Variants in TRPM3 observed in about 807,000 individuals in gnomAD.
TRPM3 encodes long transient receptor potential channel 3.
TRPM3 carries 77 observed loss-of-function variants against 181.2 expected under a neutral mutation model. The observed-to-expected ratio is 0.42, with a 90% CI of 0.35 to 0.51. The LOEUF is 0.51. Ranked by LOEUF, TRPM3 falls within the 20% of genes least tolerant of loss-of-function variation. The pLI, the probability that TRPM3 is intolerant of heterozygous loss-of-function variation, is 0.01. For missense variants in TRPM3, 1,759 were observed against 2,196.7 expected, an observed-to-expected ratio of 0.80 and a Z score of 3.98; for synonymous variants, 745 against 796.4, an observed-to-expected ratio of 0.94 and a Z score of 1.09.
At chr9:71,343,014 AT>A (rs1413846855) in intron 1 of TRPM3, among the ~76,000 whole-genome samples, 19 of 152,260 alleles carry the variant, frequency 1.2e-4, no homozygotes, top group African/African-American at 4.1e-4. Context: ...AAATAAAAAA[AT>A]AAATATGCTT....
At chr9:70,881,944 G>C (rs2096001801) in intron 1 of TRPM3, among the ~76,000 whole-genome samples, 1 of 152,140 alleles carries the variant, frequency 6.6e-6, no homozygotes, top group South Asian at 2.1e-4. Context: ...CTCAGTATGT[G>C]TGTTTAAGAG....
At chr9:70,772,146 G>A (rs2080405099) in intron 7 of TRPM3, among the ~76,000 whole-genome samples, 1 of 152,208 alleles carries the variant, frequency 6.6e-6, no homozygotes, top group Admixed American at 6.5e-5. Context: ...CTGCAGAAAT[G>A]CTAGAGCTCT....
intron 1 of TRPM3, among the ~76,000 whole-genome samples, chr9:71,057,603 C>G (rs903378340): frequency 1.3e-5 from 2 of 151,988 alleles, no homozygotes; most frequent in East Asian, 3.9e-4. Flanking sequence ...AGCTCTAATC[C>G]TCAGACCTAT....
intron 5 of TRPM3, among the ~76,000 whole-genome samples, chr9:70,829,224 G>A (rs34728483): frequency 0.078 from 11,855 of 152,200 alleles, 729 homozygotes; most frequent in East Asian, 0.27. Context: ...ATATAAAGCT[G>A]TAGTAAGATT....
chr9:70,829,838 T>C (rs2093782199), intron 5 of TRPM3, among the ~76,000 whole-genome samples: 2 of 152,040 alleles, frequency 1.3e-5, no homozygotes, highest in Admixed American at 1.3e-4. Context: ...ACTGGAAGAG[T>C]AGGTTGCTTG....
At chr9:71,198,550 A>G (rs1049991325) in intron 1 of TRPM3, among the ~76,000 whole-genome samples, 1 of 151,982 alleles carries the variant, frequency 6.6e-6, no homozygotes, top group African/African-American at 2.4e-5. Flanking sequence ...TATTTCATTG[A>G]GCAGTAGTTT....
intron 1 of TRPM3, among the ~76,000 whole-genome samples, chr9:70,933,226 G>A (rs1475422432): frequency 2.0e-5 from 3 of 152,068 alleles, no homozygotes; most frequent in Non-Finnish European, 4.4e-5. Flanking sequence ...TGTGTGATAC[G>A]GACCTAGAAA....
At chr9:70,951,130 A>G (rs1273520490) in intron 1 of TRPM3, among the ~76,000 whole-genome samples, 1 of 152,162 alleles carries the variant, frequency 6.6e-6, no homozygotes, top group African/African-American at 2.4e-5. Context: ...ATGCTTTAGA[A>G]GAGTTTGATA....
chr9:70,911,311 G>A (rs1390229039), intron 1 of TRPM3, among the ~76,000 whole-genome samples: 1 of 152,030 alleles, frequency 6.6e-6, no homozygotes, highest in Non-Finnish European at 1.5e-5. Flanking sequence ...CATTACAAAA[G>A]GCCTGTTTTT....
chr9:70,739,361 G>T (rs778875712), intron 8 of TRPM3, among the ~76,000 whole-genome samples: 27 of 152,250 alleles, frequency 1.8e-4, no homozygotes, highest in South Asian at 1.0e-3. Context: ...CACATCAACA[G>T]AATTAAAAAC....
At chr9:71,441,404 G>T (rs145049943) in intron 1 of TRPM3, among the ~76,000 whole-genome samples, 1 of 152,174 alleles carries the variant, frequency 6.6e-6, no homozygotes, top group African/African-American at 2.4e-5. Flanking sequence ...CAGGAGATTC[G>T]CTCTGCTTTC....
chr9:70,910,666 A>G (rs369262340), intron 1 of TRPM3, among the ~76,000 whole-genome samples: 2 of 152,204 alleles, frequency 1.3e-5, no homozygotes, highest in Non-Finnish European at 2.9e-5. Context: ...AATCAAGATT[A>G]TGCTATAACA....
intron 1 of TRPM3, among the ~76,000 whole-genome samples, chr9:71,196,935 T>C (rs1330392881): frequency 2.1e-5 from 3 of 144,724 alleles, no homozygotes; most frequent in Admixed American, 7.1e-5. Context: ...TAGTTACATA[T>C]GTATACATGT....
intron 1 of TRPM3, among the ~76,000 whole-genome samples, chr9:70,904,249 C>T (rs180689680): frequency 6.6e-6 from 1 of 152,076 alleles, no homozygotes; most frequent in Admixed American, 6.6e-5. Context: ...TACAAAAACA[C>T]CTCACTCTTT....
intron 8 of TRPM3, among the ~76,000 whole-genome samples, chr9:70,740,059 T>A (rs1374439888): frequency 6.6e-6 from 1 of 152,200 alleles, no homozygotes; most frequent in African/African-American, 2.4e-5. Context: ...TATGATCATA[T>A]ACCTAGAAAA....
intron 9 of TRPM3, among the ~76,000 whole-genome samples, chr9:70,657,797 T>A (rs901876588): frequency 1.3e-5 from 2 of 152,108 alleles, no homozygotes; most frequent in Non-Finnish European, 2.9e-5. Context: ...TCGGGTCTGG[T>A]AGAAGACGCC....
chr9:70,638,682 GT>G (rs751977279), intron 11 of TRPM3, among the ~76,000 whole-genome samples: 1 of 152,192 alleles, frequency 6.6e-6, no homozygotes, highest in Non-Finnish European at 1.5e-5. Context: ...AATGGCGCAG[GT>G]TACTTAATCA....
intron 1 of TRPM3, among the ~76,000 whole-genome samples, chr9:71,245,798 G>A (rs1241604242): frequency 6.6e-6 from 1 of 152,118 alleles, no homozygotes; most frequent in Non-Finnish European, 1.5e-5. Context: ...AAAGGATTGT[G>A]GCTTAAAAGC....
intron 1 of TRPM3, among the ~76,000 whole-genome samples, chr9:71,339,759 T>C (rs2132595815): frequency 6.6e-6 from 1 of 152,200 alleles, no homozygotes; most frequent in Non-Finnish European, 1.5e-5. Flanking sequence ...AAGTTGACTC[T>C]GAGGGGGTAG....
Sources: gnomAD v4.1 joint callset for allele counts (sites outside exome capture counted in the v4.1 genomes callset) on GRCh38, gnomAD v4.1.1 for gene constraint, MANE v1.5 for transcripts, NCBI Gene and HGNC (gene_info 2026-07-23, HGNC 2026-07-21) for gene names.